FAM168A: variants seen among roughly 807,000 people sequenced by gnomAD.
FAM168A encodes the protein protein FAM168A.
Under a neutral mutation model 28.5 loss-of-function variants are expected in FAM168A, and 3 were observed. The observed-to-expected ratio is 0.11, with a 90% CI of 0.05 to 0.27. The LOEUF (loss-of-function observed/expected upper bound fraction) is 0.27, where lower values mean the gene tolerates loss of function less well. Among genes scored for constraint, FAM168A ranks in the 10% least tolerant of loss-of-function variants. The pLI is 1.00. For missense variants in FAM168A, 222 were observed against 311.5 expected (o/e 0.71, Z 2.16); for synonymous variants, 122 against 124.2 (o/e 0.98, Z 0.12).
At chr11:73,440,814 G>C (rs909134255) in intron 2 of FAM168A, among the ~76,000 whole-genome samples, 5 of 152,002 alleles carry the variant, frequency 3.3e-5, no homozygotes, top group African/African-American at 1.2e-4. Flanking sequence ...CATAAACAAA[G>C]TTAAAAGGCA....
At chr11:73,509,980 A>G (rs902380981) in intron 1 of FAM168A, among the ~76,000 whole-genome samples, 5 of 152,008 alleles carry the variant, frequency 3.3e-5, no homozygotes, top group South Asian at 2.1e-4. Context: ...ACCGCCATTC[A>G]CTTAATTCAA....
intron 2 of FAM168A, among the ~76,000 whole-genome samples, chr11:73,435,828 T>TA (rs1867078078): frequency 6.6e-6 from 1 of 152,224 alleles, no homozygotes; most frequent in East Asian, 1.9e-4. Context: ...ATACAAAAGA[T>TA]ATTTTCGCAT....
intron 1 of FAM168A, among the ~76,000 whole-genome samples, chr11:73,505,500 G>A (rs1855099567): frequency 6.6e-6 from 1 of 152,044 alleles, no homozygotes; most frequent in South Asian, 2.1e-4. Context: ...TTATTTTGTT[G>A]TTATTATTAT....
At chr11:73,410,532 A>G (rs1294848176) in intron 5 of FAM168A, 2 of 152,218 alleles carry the variant, frequency 1.3e-5, no homozygotes, top group African/African-American at 4.8e-5. Flanking sequence ...GTGACTCCCA[A>G]TGCCTGAATC....
intron 5 of FAM168A, 144 bp from the exon 6 acceptor site, chr11:73,409,805 T>C: frequency 1.3e-6 from 1 of 754,606 alleles, no homozygotes; most frequent in African/African-American, 1.8e-5. Context: ...AGTGCAGTGC[T>C]GGGCTCAGCT....
intron 2 of FAM168A, among the ~76,000 whole-genome samples, chr11:73,449,279 G>A (rs944726415): frequency 6.6e-6 from 1 of 152,106 alleles, no homozygotes; most frequent in African/African-American, 2.4e-5. Context: ...CTAAGCTACT[G>A]TTAATCAAGT....
Position 73,554,123 on chromosome 11 carries a change from C to T in FAM168A, c.-19+43800G>A, listed in dbSNP as rs1407836696. Among the ~76,000 whole-genome samples the T allele has an allele frequency of 2.0e-5, 3 of 152,150 alleles. No individual in the cohort carries two copies. In the East Asian group the frequency reaches 5.8e-4, roughly 29 times the overall value. The stretch of plus-strand genomic sequence containing the variant: ...AGGCGCAGTGGCTCACACCTGTAAT[C>T]CCAGCACTTTGGGAGGCCAAGGTGG... On this transcript the variant is annotated intron_variant, in intron 1 of 7. Transcript: ENST00000356467.
chr11:73,471,838 T>C (rs1284048894), intron 1 of FAM168A, among the ~76,000 whole-genome samples: 1 of 152,016 alleles, frequency 6.6e-6, no homozygotes, highest in African/African-American at 2.4e-5. Context: ...AAGTGAAAGA[T>C]ATATCAGATG....
intron 3 of FAM168A, among the ~76,000 whole-genome samples, chr11:73,422,275 C>T (rs1866807034): frequency 6.6e-6 from 1 of 152,206 alleles, no homozygotes; most frequent in South Asian, 2.1e-4. Context: ...CAACTGATGA[C>T]ATGAACTATA....
intron 4 of FAM168A, among the ~76,000 whole-genome samples, chr11:73,418,243 C>G (rs1866729609): frequency 6.6e-6 from 1 of 152,214 alleles, no homozygotes; most frequent in Admixed American, 6.5e-5. Context: ...GAAATGGGGC[C>G]TGCTGGGAGG....
chr11:73,420,226 GA>G (rs1866768334), intron 3 of FAM168A, among the ~76,000 whole-genome samples: 1 of 152,150 alleles, frequency 6.6e-6, no homozygotes, highest in South Asian at 2.1e-4. Flanking sequence ...TACACTAAAA[GA>G]GTCAGGACTT....
At chr11:73,460,499 CTTTTTTTTTTT>C (rs547956382) in intron 2 of FAM168A, among the ~76,000 whole-genome samples, 2 of 112,834 alleles carry the variant, frequency 1.8e-5, no homozygotes, top group African/African-American at 3.4e-5. Context: ...GCTACTAATG[CTTTTTTTTTTT>C]TTTTTTTTTT....
chr11:73,547,322 T>C (rs1020408809), intron 1 of FAM168A, among the ~76,000 whole-genome samples: 2 of 151,522 alleles, frequency 1.3e-5, no homozygotes, highest in Non-Finnish European at 2.9e-5. Flanking sequence ...TGATGGCAGG[T>C]ATTAAAAAAA....
chr11:73,454,623 T>C (rs2134552217), intron 2 of FAM168A, among the ~76,000 whole-genome samples: 1 of 152,314 alleles, frequency 6.6e-6, no homozygotes, highest in Admixed American at 6.5e-5. Flanking sequence ...TCTGTTTTCC[T>C]GCTCAAATGT....
At chr11:73,518,539 G>C (rs967036503) in intron 1 of FAM168A, among the ~76,000 whole-genome samples, 1 of 151,904 alleles carries the variant, frequency 6.6e-6, no homozygotes, top group Non-Finnish European at 1.5e-5. Flanking sequence ...AATGTGGGGA[G>C]GGGGCGTGGA....
chr11:73,534,951 C>T (rs900511433), intron 1 of FAM168A, among the ~76,000 whole-genome samples: 1 of 152,138 alleles, frequency 6.6e-6, no homozygotes, highest in African/African-American at 2.4e-5. Context: ...GATCCCCCTA[C>T]AGCCTTGTTC....
chr11:73,515,560 A>G (rs1318095043), intron 1 of FAM168A, among the ~76,000 whole-genome samples: 1 of 151,760 alleles, frequency 6.6e-6, no homozygotes, highest in African/African-American at 2.4e-5. Context: ...TAATTTTAAA[A>G]GGAAAAGAAA....
chr11:73,417,609 T>G (rs950044192), intron 4 of FAM168A, among the ~76,000 whole-genome samples: 2 of 149,256 alleles, frequency 1.3e-5, no homozygotes, highest in Admixed American at 6.7e-5. Flanking sequence ...GCCCAGGCTG[T>G]AGTGCAATGG....
chr11:73,417,326 C>T (rs1866710627), intron 4 of FAM168A, among the ~76,000 whole-genome samples: 1 of 152,154 alleles, frequency 6.6e-6, no homozygotes, highest in South Asian at 2.1e-4. Flanking sequence ...AATGCATGGA[C>T]ATCAATTATC....
Sources: allele counts gnomAD v4.1 joint callset (sites outside exome capture counted in the v4.1 genomes callset), GRCh38; gene constraint gnomAD v4.1.1; transcripts MANE v1.5; gene names NCBI Gene and HGNC (gene_info 2026-07-23, HGNC 2026-07-21).